Variants in ARHGDIB observed in about 807,000 individuals in gnomAD.
The protein encoded by ARHGDIB is rho GDP-dissociation inhibitor 2.
In ARHGDIB, 20 loss-of-function variants were observed where a neutral mutation model predicts 22.6. The observed-to-expected ratio is 0.88, with a 90% CI of 0.62 to 1.28. The LOEUF (loss-of-function observed/expected upper bound fraction) is 1.28. Ranked by LOEUF, ARHGDIB falls within the 50% of genes most tolerant of loss-of-function variation. The probability of loss-of-function intolerance (pLI) is 0.00; values close to 1 mark genes in which losing one functional copy is unlikely to be tolerated. For missense variants in ARHGDIB, 254 were observed against 245.4 expected (o/e 1.04, Z -0.23); for synonymous variants, 114 against 96.1 (o/e 1.19, Z -1.09).
At chr12:14,952,333 T>A (rs548988834) in intron 1 of ARHGDIB, among the ~76,000 whole-genome samples, 1 of 150,254 alleles carries the variant, frequency 6.7e-6, no homozygotes, top group Non-Finnish European at 1.5e-5. Context: ...TCATCAATTC[T>A]CTTCCATCTA....
rs41276684 is a variant in ARHGDIB at position 14,942,511 on chromosome 12, G to T, written c.*11C>A. ...TCCAGGTGGCAAGGGTGGGGAAAGGGGTGGATGCATTCATTCTGTCCACTC... is the reference window on the plus strand; with the variant it reads ...TCCAGGTGGCAAGGGTGGGGAAAGGTGTGGATGCATTCATTCTGTCCACTC... On this transcript the variant is annotated 3_prime_UTR_variant, in exon 6 of 6. Coordinates refer to ENST00000228945, the MANE Select transcript of ARHGDIB (RefSeq NM_001175.7). 10 of 1,613,672 alleles carry T rather than the reference G, an allele frequency of 6.2e-6. No homozygotes were observed. Among genetic ancestry groups the T allele is most frequent in the African/African-American group, 1.3e-5 (1 of 74,892 alleles).
intron 2 of ARHGDIB, 59 bp from the exon 3 acceptor site, chr12:14,949,944 G>A: frequency 7.0e-7 from 1 of 1,418,602 alleles, no homozygotes; most frequent in Admixed American, 2.0e-5. Context: ...GTGGGTGTGT[G>A]CATTTCAAGT....
intron 1 of ARHGDIB, among the ~76,000 whole-genome samples, chr12:14,957,805 G>A (rs1440931411): frequency 6.6e-6 from 1 of 151,634 alleles, no homozygotes; most frequent in Non-Finnish European, 1.5e-5. Flanking sequence ...TAATGTATTA[G>A]GTAGAAGAGA....
At chr12:14,955,481 ATGTC>A (rs1368556525) in intron 1 of ARHGDIB, among the ~76,000 whole-genome samples, 1 of 152,210 alleles carries the variant, frequency 6.6e-6, no homozygotes, top group African/African-American at 2.4e-5. Flanking sequence ...GATGTAAAAT[ATGTC>A]TGGGATACAT....
chr12:14,945,146 A>G (rs1202941229), intron 4 of ARHGDIB, among the ~76,000 whole-genome samples: 14 of 152,294 alleles, frequency 9.2e-5, no homozygotes, highest in East Asian at 5.8e-4. Context: ...TCCTTTCTCA[A>G]TGGTCCCAAG....
At chr12:14,948,100 G>GTGCGCACA (rs1555103170) in intron 3 of ARHGDIB, 151 bp from the exon 4 acceptor site, 3 of 436,270 alleles carry the variant, frequency 6.9e-6, no homozygotes, top group Non-Finnish European at 1.3e-5. Flanking sequence ...TTTAGTCCTT[G>GTGCGCACA]CACACACACA....
At chr12:14,949,730 C>T (rs1219541597) in intron 3 of ARHGDIB, 72 bp downstream of exon 3, 2 of 1,378,742 alleles carry the variant, frequency 1.5e-6, no homozygotes, top group Non-Finnish European at 2.1e-6. Context: ...TCTGTTGGAA[C>T]AGGAGACAGA....
chr12:14,943,583 A>G (rs1392607828), intron 5 of ARHGDIB, among the ~76,000 whole-genome samples: 2 of 152,186 alleles, frequency 1.3e-5, no homozygotes, highest in African/African-American at 4.8e-5. Flanking sequence ...TTCTATGAAC[A>G]TATCAGTTGG....
chr12:14,942,255 A>T lies in ARHGDIB; in HGVS notation c.*267T>A. ...TGCTTGAATAGGGGTAAGACAGGGA[A>T]ATATTAAATGATTGTGTACTGAGAT... On this transcript the variant is annotated 3_prime_UTR_variant, in exon 6 of 6. Transcript: ENST00000228945. 2.2e-6 allele frequency: 1 copy of T among 462,044 alleles called. No homozygotes were observed. The highest frequency in any genetic ancestry group is 4.0e-6 in the Non-Finnish European group (1 of 251,632). 28.6% of individuals were successfully genotyped at this position (462,044 alleles called of 1,614,324 possible).
intron 1 of ARHGDIB, among the ~76,000 whole-genome samples, chr12:14,958,825 C>T (rs1261484182): frequency 1.3e-5 from 2 of 152,114 alleles, no homozygotes; most frequent in African/African-American, 2.4e-5. Flanking sequence ...CAGAGAGTAA[C>T]ACAACACAGG....
chr12:14,944,611 G>A (rs191668112), intron 5 of ARHGDIB, among the ~76,000 whole-genome samples, 165 bp downstream of exon 5: 1 of 152,198 alleles, frequency 6.6e-6, no homozygotes, highest in African/African-American at 2.4e-5. Context: ...CATTGGCCTT[G>A]TCAATGTCTA....
Position 14,949,901 on chromosome 12 carries a change from G to T in ARHGDIB, c.182-16C>A. 6.2e-7 allele frequency: 1 copy of T among 1,610,806 alleles called. No individual in the cohort carries two copies. The highest frequency in any genetic ancestry group is 8.5e-7 in the Non-Finnish European group (1 of 1,178,016). On this transcript the variant is annotated splice_polypyrimidine_tract_variant and intron_variant, in intron 2 of 5. Transcript: ENST00000228945. ...GCTTTCGGATCTGCAGGATCGAAAG[G>T]GAATGTAAGTACCAAGAAGAGACAT...
At chr12:14,957,413 T>C (rs1262046821) in intron 1 of ARHGDIB, among the ~76,000 whole-genome samples, 1 of 152,196 alleles carries the variant, frequency 6.6e-6, no homozygotes, top group Non-Finnish European at 1.5e-5. Flanking sequence ...TACTTTCCCC[T>C]GGATGGGAGC....
intron 4 of ARHGDIB, 127 bp downstream of exon 4, chr12:14,947,746 G>C (rs965286922): frequency 1.3e-6 from 1 of 787,758 alleles, no homozygotes; most frequent in Non-Finnish European, 2.1e-6. Flanking sequence ...GGACATTCCA[G>C]ACCCAGCTTG....
intron 4 of ARHGDIB, among the ~76,000 whole-genome samples, chr12:14,945,849 G>GA (rs1565459469): frequency 6.6e-6 from 1 of 151,954 alleles, no homozygotes; most frequent in South Asian, 2.1e-4. Context: ...AAAGCTGTCA[G>GA]AAAAAAAATT....
At chr12:14,952,355 A>C (rs968097788) in intron 1 of ARHGDIB, among the ~76,000 whole-genome samples, 2 of 151,850 alleles carry the variant, frequency 1.3e-5, no homozygotes, top group African/African-American at 4.8e-5. Flanking sequence ...ATAAGCAGCC[A>C]AACATTATGA....
At chr12:14,960,795 G>C (rs534142710) in intron 1 of ARHGDIB, among the ~76,000 whole-genome samples, 3 of 152,310 alleles carry the variant, frequency 2.0e-5, no homozygotes, top group African/African-American at 7.2e-5. Flanking sequence ...GAGCCACCAC[G>C]CCCAGCCCTA....
chr12:14,943,115 G>A lies in ARHGDIB; in HGVS notation c.407-394C>T, dbSNP rs551813170. On this transcript the variant is annotated intron_variant, in intron 5 of 5. Transcript: ENST00000228945. ...ACTACCAACCTCAGGTGATCCACCC[G>A]CCTCGGCCTCCCAAAGTACTGGGAT... 3.9e-5 allele frequency among the ~76,000 whole-genome samples: 6 copies of A among 152,228 alleles called. No homozygotes were observed. In the South Asian group the frequency reaches 8.3e-4, roughly 21 times the overall value.
intron 1 of ARHGDIB, among the ~76,000 whole-genome samples, chr12:14,960,459 T>C (rs1293892385): frequency 6.6e-6 from 1 of 152,184 alleles, no homozygotes; most frequent in Non-Finnish European, 1.5e-5. Flanking sequence ...GTGTTTTCCA[T>C]GTTTGCTGTT....
Sources: gnomAD v4.1 joint callset for allele counts (sites outside exome capture counted in the v4.1 genomes callset) on GRCh38, gnomAD v4.1.1 for gene constraint, MANE v1.5 for transcripts, NCBI Gene and HGNC (gene_info 2026-07-23, HGNC 2026-07-21) for gene names.